The following CFAP54 variants were observed in gnomAD, a reference collection of about 807,000 sequenced individuals.
The protein encoded by CFAP54 is cilia- and flagella-associated protein 54.
In CFAP54, 290 loss-of-function variants were observed where a neutral mutation model predicts 370.4. The observed-to-expected ratio is 0.78, with a 90% CI of 0.71 to 0.86. CFAP54 has a LOEUF of 0.86. CFAP54 is among the 40% of genes least tolerant of loss of function. CFAP54 has a pLI of 0.00. For missense variants in CFAP54, 3,399 were observed against 3,528.7 expected, an observed-to-expected ratio of 0.96 and a Z score of 0.93; for synonymous variants, 1,206 against 1,236.5, an observed-to-expected ratio of 0.98 and a Z score of 0.52.
intron 36 of CFAP54, 77 bp downstream of exon 36, chr12:96,651,892 CTG>C (rs1565929347): frequency 1.9e-5 from 16 of 849,620 alleles, no homozygotes; most frequent in South Asian, 1.3e-4. Context: ...TAAGTAGAAA[CTG>C]TTTTTTTTTT....
chr12:96,807,198 A>T (rs1452607506), intron 63 of CFAP54, among the ~76,000 whole-genome samples: 2 of 152,200 alleles, frequency 1.3e-5, no homozygotes, highest in Non-Finnish European at 2.9e-5. Flanking sequence ...ATAGATGAGG[A>T]AGTAAGGTCC....
At chr12:96,836,818 T>G (rs1347838871) in intron 66 of CFAP54, among the ~76,000 whole-genome samples, 1 of 152,196 alleles carries the variant, frequency 6.6e-6, no homozygotes, top group Non-Finnish European at 1.5e-5. Flanking sequence ...TATTTCTGAT[T>G]TTTTAAATTA....
chr12:96,750,291 A>C (rs1958168270), intron 55 of CFAP54, among the ~76,000 whole-genome samples: 1 of 151,688 alleles, frequency 6.6e-6, no homozygotes, highest in African/African-American at 2.4e-5. Flanking sequence ...CTCCTGCAGC[A>C]GCAGCAGCAG....
At chr12:96,829,898 C>T (rs1959165517) in intron 66 of CFAP54, among the ~76,000 whole-genome samples, 1 of 152,102 alleles carries the variant, frequency 6.6e-6, no homozygotes, top group Non-Finnish European at 1.5e-5. Flanking sequence ...ACCACCCCAG[C>T]TCCTGGTAAC....
At chr12:96,586,623 G>A (rs549487730) in intron 22 of CFAP54, among the ~76,000 whole-genome samples, 1 of 152,162 alleles carries the variant, frequency 6.6e-6, no homozygotes, top group Non-Finnish European at 1.5e-5. Context: ...TTGGTAAACA[G>A]CAGGAAGCTT....
At chr12:96,766,544 A>G (rs1335196834) in intron 60 of CFAP54, among the ~76,000 whole-genome samples, 1 of 152,076 alleles carries the variant, frequency 6.6e-6, no homozygotes, top group Non-Finnish European at 1.5e-5. Flanking sequence ...AGAAGCACAC[A>G]TTATTGTACA....
chr12:96,513,695 C>T (rs188243467), intron 5 of CFAP54, among the ~76,000 whole-genome samples: 4 of 152,028 alleles, frequency 2.6e-5, no homozygotes, highest in East Asian at 1.9e-4. Flanking sequence ...GAGCCAAGAT[C>T]GTGCCACTTT....
chr12:96,550,841 A>G (rs757265784), intron 15 of CFAP54, among the ~76,000 whole-genome samples: 48 of 152,190 alleles, frequency 3.2e-4, no homozygotes, highest in Non-Finnish European at 4.1e-4. Flanking sequence ...TTATACAAAT[A>G]TACTTAGATT....
At position 96,664,002 on chromosome 12, in the gene CFAP54, A is replaced by C. The variant is rs1957026976; in HGVS notation, c.5563+70A>C. On this transcript the variant is annotated intron_variant, in intron 39 of 67. Transcript: ENST00000524981. ...GGTTTGCCATTGTGTTCTGCATGTC[A>C]AACCTTCCATAATTAGTATGTTTGT... The C allele has an allele frequency of 5.1e-5, 55 of 1,086,642 alleles. No homozygotes were observed. In the South Asian group the frequency reaches 7.2e-4, roughly 14 times the overall value. The allele number at this position is 1,086,642 out of a possible 1,614,324, so 67.3% of individuals were successfully genotyped here. A position where few individuals can be genotyped will look rare whatever the true frequency, so the allele number is the denominator to read the frequency against.
Position 96,743,727 on chromosome 12 carries a change from AT to A in CFAP54, c.7378-3del, listed in dbSNP as rs773325873. ...TATCAAAATGAATAATTTTATTTTAATAGGATATAATACATTTGCTGGAAGG... is the reference window on the plus strand; with the variant it reads ...TATCAAAATGAATAATTTTATTTTAAAGGATATAATACATTTGCTGGAAGG... On this transcript the variant is annotated splice_region_variant and splice_polypyrimidine_tract_variant and intron_variant, in intron 53 of 67. Transcript: ENST00000524981. 9 of 1,583,640 alleles carry A rather than the reference AT, an allele frequency of 5.7e-6. No homozygotes were observed. The highest frequency in any genetic ancestry group is 1.9e-5 in the Admixed American group (1 of 53,328).
intron 40 of CFAP54, among the ~76,000 whole-genome samples, chr12:96,682,845 C>T (rs904262629): frequency 1.3e-5 from 2 of 152,196 alleles, no homozygotes; most frequent in African/African-American, 4.8e-5. Flanking sequence ...CTTAGCTTGT[C>T]CATCACTATT....
chr12:96,648,974 G>A (rs1357487731), intron 34 of CFAP54, among the ~76,000 whole-genome samples: 1 of 152,154 alleles, frequency 6.6e-6, no homozygotes, highest in Admixed American at 6.5e-5. Flanking sequence ...CTGCAAAGAT[G>A]ATGGAACCTG....
At chr12:96,650,544 C>T (rs1956847781) in intron 35 of CFAP54, among the ~76,000 whole-genome samples, 1 of 152,124 alleles carries the variant, frequency 6.6e-6, no homozygotes, top group Non-Finnish European at 1.5e-5. Context: ...CCATCACTTC[C>T]ATGTTCTCTC....
At chr12:96,508,126 C>CT (rs398020728) in intron 4 of CFAP54, among the ~76,000 whole-genome samples, 97,776 of 112,206 alleles carry the variant, frequency 0.87, 43,373 homozygotes, top group East Asian at 0.98. Context: ...CAAACATAGT[C>CT]TTTTTTTTTT....
At position 96,720,535 on chromosome 12, in the gene CFAP54, T is replaced by C; in HGVS notation, c.6935T>C (p.Val2312Ala). The change falls in exon 50 of 68, where the codon GTT (valine) becomes GCT (alanine). Residue 2312 changes from valine (V) to alanine (A), a missense_variant. Transcript: ENST00000524981. ...GAGGCCCGGCTTCAGCTGGCTGCAG[T>C]TGCTCTGCAGAGGCACCGGGCGGCA... ...VVEARLQLAA[V>A]ALQRHRAAYS... is the part of the protein sequence containing the mutation. 1.3e-6 allele frequency: 2 copies of C among 1,580,052 alleles called. No homozygotes were observed. The highest frequency in any genetic ancestry group is 1.7e-6 in the Non-Finnish European group (2 of 1,159,964).
chr12:96,732,247 T>C (rs1957929706), intron 50 of CFAP54, among the ~76,000 whole-genome samples: 2 of 152,204 alleles, frequency 1.3e-5, no homozygotes, highest in South Asian at 4.1e-4. Context: ...TGTCTCAGCT[T>C]CCCGAGTAGC....
chr12:96,515,687 C>T (rs1177541664), intron 5 of CFAP54, among the ~76,000 whole-genome samples: 1 of 152,000 alleles, frequency 6.6e-6, no homozygotes, highest in African/African-American at 2.4e-5. Flanking sequence ...TCTAAACTCC[C>T]GTTTTTATAG....
intron 50 of CFAP54, among the ~76,000 whole-genome samples, chr12:96,733,489 T>C (rs1190990028): frequency 6.6e-6 from 1 of 151,950 alleles, no homozygotes; most frequent in Non-Finnish European, 1.5e-5. Context: ...ATCAAAGTTA[T>C]TCAAATTGTA....
At chr12:96,612,489 A>G (rs901497887) in intron 26 of CFAP54, among the ~76,000 whole-genome samples, 6 of 152,228 alleles carry the variant, frequency 3.9e-5, no homozygotes, top group Non-Finnish European at 8.8e-5. Flanking sequence ...ACTAATGAGC[A>G]AAATAACTAG....
Sources: gnomAD v4.1 joint callset for allele counts (sites outside exome capture counted in the v4.1 genomes callset) on GRCh38, gnomAD v4.1.1 for gene constraint, MANE v1.5 for transcripts, NCBI Gene and HGNC (gene_info 2026-07-23, HGNC 2026-07-21) for gene names.